The following HAVCR2 variants were observed in gnomAD, a reference collection of about 807,000 sequenced individuals.
HAVCR2 encodes T cell immunoglobulin mucin 3.
Under a neutral mutation model 24.7 loss-of-function variants are expected in HAVCR2, and 13 were observed. The observed-to-expected ratio is 0.53, with a 90% CI of 0.34 to 0.84. The LOEUF is 0.84. Ranked by LOEUF, HAVCR2 falls within the 40% of genes least tolerant of loss-of-function variation. The pLI is 0.01. For missense variants in HAVCR2, 343 were observed against 371.2 expected (o/e 0.92, Z 0.62); for synonymous variants, 154 against 143.4 (o/e 1.07, Z -0.53).
chr5:157,106,626 C>T lies in HAVCR2; in HGVS notation c.394+1G>A. On this transcript the variant is annotated splice_donor_variant, in intron 2 of 6. Coordinates refer to ENST00000307851, the MANE Select transcript of HAVCR2 (RefSeq NM_032782.5). LOFTEE classifies it high-confidence loss of function. Reference sequence around the variant, plus strand: ...AAGATGGCATGCAAATGTCCACTCACCTGGTTTGATGACCAACTTCAGGTT... The same window carrying T: ...AAGATGGCATGCAAATGTCCACTCATCTGGTTTGATGACCAACTTCAGGTT... The T allele has an allele frequency of 3.1e-6, 5 of 1,612,392 alleles. No homozygotes were observed. Among genetic ancestry groups the T allele is most frequent in the Non-Finnish European group, 4.2e-6 (5 of 1,178,416 alleles).
In HAVCR2 at chr5:157,106,832, A is replaced by G. The variant is rs1407944771; in HGVS notation, c.189T>C (p.Cys63=). ...WGKGACPVFE[C]GNVVLRTDER... ...CATCAGTCCTGAGCACCACGTTGCC[A>G]CATTCAAACACAGGACAGGCTCCTT... is the stretch of plus-strand genomic sequence containing the variant. Residue 63 remains cysteine (C), a synonymous_variant, in exon 2 of 7, where the codon TGT becomes TGC. Transcript: ENST00000307851. The G allele has an allele frequency of 6.2e-7, 1 of 1,614,220 alleles. No individual in the cohort carries two copies.
chr5:157,087,147 C>T lies in HAVCR2; in HGVS notation c.861G>A (p.Arg287=). Residue 287 remains arginine (R), a synonymous_variant, in exon 7 of 7, where the codon AGG becomes AGA. Coordinates refer to ENST00000307851, the MANE Select transcript of HAVCR2 (RefSeq NM_032782.5). ...AACCCAAAGGTTGTGAGGGTTGCTG[C>T]CTGCTGCTGACATAGCAATAATACT... is the stretch of plus-strand genomic sequence containing the variant. ...PNEYYCYVSS[R]QQPSQPLGCR... is the part of the protein sequence containing the mutation. The T allele has an allele frequency of 5.6e-6, 9 of 1,614,052 alleles. No homozygotes were observed. The highest frequency in any genetic ancestry group is 7.6e-6 in the Non-Finnish European group (9 of 1,180,004).
At chr5:157,107,581 T>C (rs1000339483) in intron 1 of HAVCR2, among the ~76,000 whole-genome samples, 1 of 152,174 alleles carries the variant, frequency 6.6e-6, no homozygotes, top group African/African-American at 2.4e-5. Flanking sequence ...CCCAAACTCA[T>C]TCAGTCAAAG....
intron 4 of HAVCR2, among the ~76,000 whole-genome samples, chr5:157,096,704 G>A (rs1757098716): frequency 1.3e-5 from 2 of 152,104 alleles, no homozygotes; most frequent in African/African-American, 4.8e-5. Context: ...TTGAACCCAG[G>A]AGGCAGAGGT....
At chr5:157,088,699 T>A (rs1756950812) in intron 6 of HAVCR2, among the ~76,000 whole-genome samples, 1 of 152,192 alleles carries the variant, frequency 6.6e-6, no homozygotes, top group South Asian at 2.1e-4. Flanking sequence ...AATAAGCATG[T>A]TGTATTATTA....
chr5:157,092,258 TGA>T, intron 5 of HAVCR2, among the ~76,000 whole-genome samples: 1 of 151,384 alleles, frequency 6.6e-6, no homozygotes, highest in East Asian at 1.9e-4. Flanking sequence ...AAAAAAGTAG[TGA>T]GTGTTATCAG....
intron 2 of HAVCR2, 103 bp from the exon 3 acceptor site, chr5:157,104,852 A>G: frequency 2.6e-6 from 2 of 762,276 alleles, no homozygotes. Flanking sequence ...GACAATTAAG[A>G]AAGAGAAATA....
At chr5:157,097,063 G>A (rs1326974282) in intron 4 of HAVCR2, among the ~76,000 whole-genome samples, 1 of 151,794 alleles carries the variant, frequency 6.6e-6, no homozygotes, top group Admixed American at 6.6e-5. Context: ...CATTACTCCT[G>A]CAATAACAGG....
At chr5:157,091,350 G>T (rs754964814) in intron 5 of HAVCR2, among the ~76,000 whole-genome samples, 2 of 152,042 alleles carry the variant, frequency 1.3e-5, no homozygotes, top group Non-Finnish European at 2.9e-5. Context: ...GAGGCTGAGG[G>T]GGGAGAATCA....
intron 1 of HAVCR2, among the ~76,000 whole-genome samples, chr5:157,107,681 C>A (rs1325520380): frequency 6.6e-6 from 1 of 152,056 alleles, no homozygotes; most frequent in African/African-American, 2.4e-5. Flanking sequence ...AGGCTGCATA[C>A]CTCCCCCATA....
At chr5:157,095,024 A>T (rs1454156158) in intron 5 of HAVCR2, among the ~76,000 whole-genome samples, 1 of 152,158 alleles carries the variant, frequency 6.6e-6, no homozygotes, top group African/African-American at 2.4e-5. Flanking sequence ...GCTTACTCTA[A>T]GCTTGACTTC....
intron 2 of HAVCR2, 131 bp from the exon 3 acceptor site, chr5:157,104,880 C>T: frequency 1.7e-6 from 1 of 594,100 alleles, no homozygotes; most frequent in Non-Finnish European, 3.1e-6. Context: ...AGCTTCCAAA[C>T]CTGCCTGGAT....
At chr5:157,092,572 G>A (rs201574344) in intron 5 of HAVCR2, among the ~76,000 whole-genome samples, 1 of 151,742 alleles carries the variant, frequency 6.6e-6, no homozygotes, top group Non-Finnish European at 1.5e-5. Context: ...TCAGCTTCCC[G>A]AGTAGCTGGA....
intron 2 of HAVCR2, 48 bp downstream of exon 2, chr5:157,106,579 C>A (rs778329363): frequency 1.4e-6 from 2 of 1,469,284 alleles, no homozygotes; most frequent in Non-Finnish European, 1.9e-6. Flanking sequence ...TTAATATGAT[C>A]CACAGATAAA....
chr5:157,096,851 G>C (rs1216235231), intron 4 of HAVCR2, among the ~76,000 whole-genome samples: 1 of 151,728 alleles, frequency 6.6e-6, no homozygotes. Flanking sequence ...AGCACTTTGG[G>C]AAGCTGAGAT....
intron 6 of HAVCR2, among the ~76,000 whole-genome samples, 175 bp from the exon 7 acceptor site, chr5:157,087,469 T>C (rs1349788787): frequency 1.3e-5 from 2 of 152,010 alleles, no homozygotes; most frequent in Non-Finnish European, 2.9e-5. Flanking sequence ...GGGGAAACAA[T>C]TGAGAAAATG....
At chr5:157,095,707 T>TAAA (rs35269370) in intron 4 of HAVCR2, among the ~76,000 whole-genome samples, 7,337 of 129,838 alleles carry the variant, frequency 0.057, 333 homozygotes, top group Admixed American at 0.13. Context: ...AAGGAGCTCT[T>TAAA]AAAAAAAAAA....
chr5:157,108,377 C>T (rs891330858), intron 1 of HAVCR2, among the ~76,000 whole-genome samples: 4 of 151,856 alleles, frequency 2.6e-5, no homozygotes, highest in Admixed American at 6.6e-5. Context: ...CCAGCTACTC[C>T]GGTGCCTAAG....
intron 3 of HAVCR2, among the ~76,000 whole-genome samples, chr5:157,100,211 GA>G (rs1290331906): frequency 6.6e-6 from 1 of 152,190 alleles, no homozygotes; most frequent in East Asian, 1.9e-4. Flanking sequence ...CCATTGCACA[GA>G]TGAAGAAACT....
Sources: gnomAD v4.1 joint callset for allele counts (sites outside exome capture counted in the v4.1 genomes callset) on GRCh38, gnomAD v4.1.1 for gene constraint, MANE v1.5 for transcripts, NCBI Gene and HGNC (gene_info 2026-07-23, HGNC 2026-07-21) for gene names.